PTPRM: variants seen among roughly 807,000 people sequenced by gnomAD.
PTPRM encodes protein tyrosine phosphatase receptor type M, also known as receptor-type tyrosine-protein phosphatase mu.
Under a neutral mutation model 186.7 loss-of-function variants are expected in PTPRM, and 47 were observed. The observed-to-expected ratio is 0.25, with a 90% CI of 0.20 to 0.32. PTPRM has a LOEUF of 0.32. Among genes scored for constraint, PTPRM ranks in the 10% least tolerant of loss-of-function variants. PTPRM has a pLI of 1.00. For missense variants in PTPRM, 1,494 were observed against 1,865.0 expected (o/e 0.80, Z 3.66); for synonymous variants, 668 against 674.9 (o/e 0.99, Z 0.16).
At chr18:7,701,329 G>C (rs898936094) in intron 1 of PTPRM, among the ~76,000 whole-genome samples, 5 of 150,610 alleles carry the variant, frequency 3.3e-5, no homozygotes, top group Non-Finnish European at 7.4e-5. Flanking sequence ...GGCTGGATGT[G>C]GTGGCTCACA....
intron 14 of PTPRM, among the ~76,000 whole-genome samples, chr18:8,190,352 T>C (rs148181287): frequency 5.9e-5 from 9 of 152,348 alleles, no homozygotes; most frequent in African/African-American, 1.9e-4. Context: ...ATTCCACATA[T>C]ATGTGAGGTC....
At chr18:8,030,583 C>T (rs2085898926) in intron 7 of PTPRM, among the ~76,000 whole-genome samples, 2 of 152,350 alleles carry the variant, frequency 1.3e-5, no homozygotes, top group South Asian at 4.1e-4. Flanking sequence ...TAGTATAATA[C>T]ATTTTGAAAT....
intron 11 of PTPRM, among the ~76,000 whole-genome samples, chr18:8,093,140 G>A (rs2090838594): frequency 6.6e-6 from 1 of 151,030 alleles, no homozygotes; most frequent in African/African-American, 2.4e-5. Flanking sequence ...TTTTTCTCAA[G>A]CAGCAGCAAC....
In PTPRM at chr18:7,906,791, G is replaced by T. The variant is rs937782545; in HGVS notation, c.547+208G>T. Among the ~76,000 whole-genome samples the T allele has an allele frequency of 2.0e-5, 3 of 152,182 alleles. No individual in the cohort carries two copies. In the East Asian group the frequency reaches 5.8e-4, roughly 29 times the overall value. ...GTTTGTATAAGTCTTTTAAAATTTG[G>T]TTCAGGAATGGGGAATCAAGGAATT... On this transcript the variant is annotated intron_variant, in intron 4 of 32. Coordinates refer to ENST00000580170, the MANE Select transcript of PTPRM (RefSeq NM_001105244.2).
intron 7 of PTPRM, among the ~76,000 whole-genome samples, chr18:7,991,032 G>A (rs2083241315): frequency 6.6e-6 from 1 of 152,122 alleles, no homozygotes; most frequent in Non-Finnish European, 1.5e-5. Context: ...TGGAATCAGT[G>A]AATTTGTATT....
At chr18:8,329,108 G>A (rs537298376) in intron 22 of PTPRM, among the ~76,000 whole-genome samples, 1 of 152,312 alleles carries the variant, frequency 6.6e-6, no homozygotes, top group South Asian at 2.1e-4. Flanking sequence ...TGTTAAGCAA[G>A]CACTCAGATT....
rs1279484067 is a variant in PTPRM at position 8,069,824 on chromosome 18, G to T, written c.1271G>T (p.Gly424Val). The T allele has an allele frequency of 6.2e-7, 1 of 1,614,080 alleles. No homozygotes were observed. The highest frequency in any genetic ancestry group is 1.3e-5 in the African/African-American group (1 of 75,046). Reference protein sequence around the residue: ...NLTVHYCYQVGGQEQVREEVS... With the variant: ...NLTVHYCYQVVGQEQVREEVS... ...ACTGTCCACTACTGTTACCAAGTTG[G>T]AGGACAAGAACAAGTGCGAGAAGAA... is the stretch of plus-strand genomic sequence containing the variant. The change falls in exon 8 of 33, where the codon GGA (glycine) becomes GTA (valine). Residue 424 changes from glycine to valine, a missense_variant. Coordinates refer to ENST00000580170, the MANE Select transcript of PTPRM (RefSeq NM_001105244.2).
At chr18:7,976,126 G>A (rs955732782) in intron 7 of PTPRM, among the ~76,000 whole-genome samples, 2 of 152,170 alleles carry the variant, frequency 1.3e-5, no homozygotes, top group Admixed American at 1.3e-4. Context: ...CCAAGATCGC[G>A]CCATTGCATT....
At chr18:7,737,150 C>T (rs1320659018) in intron 1 of PTPRM, among the ~76,000 whole-genome samples, 1 of 151,118 alleles carries the variant, frequency 6.6e-6, no homozygotes, top group Non-Finnish European at 1.5e-5. Context: ...TTTTTGGAGA[C>T]AGAGTCACAC....
intron 1 of PTPRM, among the ~76,000 whole-genome samples, chr18:7,629,280 C>T (rs916790845): frequency 6.6e-6 from 1 of 152,150 alleles, no homozygotes; most frequent in South Asian, 2.1e-4. Flanking sequence ...AATTAAATGC[C>T]GAGATTAGAG....
intron 14 of PTPRM, among the ~76,000 whole-genome samples, chr18:8,201,843 G>C (rs1210827061): frequency 6.6e-6 from 1 of 152,074 alleles, no homozygotes; most frequent in Non-Finnish European, 1.5e-5. Flanking sequence ...TTTTGGAGGG[G>C]CACAATTCAG....
chr18:7,991,838 G>T (rs191025928), intron 7 of PTPRM, among the ~76,000 whole-genome samples: 1 of 152,054 alleles, frequency 6.6e-6, no homozygotes, highest in African/African-American at 2.4e-5. Context: ...GTAGGAAGCC[G>T]AAAACTTAAT....
At chr18:7,739,161 C>T (rs768285789) in intron 1 of PTPRM, among the ~76,000 whole-genome samples, 26 of 151,748 alleles carry the variant, frequency 1.7e-4, no homozygotes, top group Admixed American at 2.6e-4. Context: ...TTCTAATTTT[C>T]GCTCACCTCA....
At chr18:8,289,943 C>T (rs1004762466) in intron 19 of PTPRM, among the ~76,000 whole-genome samples, 1 of 152,174 alleles carries the variant, frequency 6.6e-6, no homozygotes, top group Non-Finnish European at 1.5e-5. Flanking sequence ...TGAAGCATCA[C>T]ATGCTCCTTT....
intron 2 of PTPRM, among the ~76,000 whole-genome samples, chr18:7,780,086 TA>T (rs1303325291): frequency 6.6e-6 from 1 of 152,150 alleles, no homozygotes; most frequent in African/African-American, 2.4e-5. Context: ...CTTTCTTCTC[TA>T]AAAAAAGTAA....
chr18:8,321,368 A>G (rs1327487285), intron 22 of PTPRM, among the ~76,000 whole-genome samples: 1 of 152,150 alleles, frequency 6.6e-6, no homozygotes, highest in Admixed American at 6.5e-5. Flanking sequence ...TGAAACTGCC[A>G]AGTCTAGACA....
intron 3 of PTPRM, among the ~76,000 whole-genome samples, chr18:7,888,754 T>A (rs1870411269): frequency 6.6e-6 from 1 of 151,850 alleles, no homozygotes; most frequent in African/African-American, 2.4e-5. Flanking sequence ...TGGACTGGAT[T>A]AAAAAAAACA....
chr18:7,792,191 C>T (rs2043374296), intron 2 of PTPRM, among the ~76,000 whole-genome samples: 1 of 152,140 alleles, frequency 6.6e-6, no homozygotes, highest in African/African-American at 2.4e-5. Context: ...AATGCTAACC[C>T]ATAATTTAAA....
At chr18:7,813,456 A>G (rs28611041) in intron 2 of PTPRM, among the ~76,000 whole-genome samples, 3,547 of 152,268 alleles carry the variant, frequency 0.023, 128 homozygotes, top group African/African-American at 0.079. Flanking sequence ...CTTTAATGCA[A>G]CATTCTTGGT....
Sources: allele counts gnomAD v4.1 joint callset (sites outside exome capture counted in the v4.1 genomes callset), GRCh38; gene constraint gnomAD v4.1.1; transcripts MANE v1.5; gene names NCBI Gene and HGNC (gene_info 2026-07-23, HGNC 2026-07-21).